TGFBR3: variants seen among roughly 807,000 people sequenced by gnomAD.
The protein encoded by TGFBR3 is transforming growth factor beta receptor 3, also known as transforming growth factor beta receptor type 3.
A neutral mutation model predicts 87.9 loss-of-function variants in TGFBR3; 46 were observed. That is an observed-to-expected ratio of 0.52 (90% CI 0.41 to 0.67). The LOEUF (loss-of-function observed/expected upper bound fraction) is 0.67, where lower values mean the gene tolerates loss of function less well. TGFBR3 is among the 30% of genes least tolerant of loss of function. The pLI, the probability that TGFBR3 is intolerant of heterozygous loss-of-function variation, is 0.00. For missense variants in TGFBR3, 866 were observed against 1,041.9 expected (o/e 0.83, Z 2.32); for synonymous variants, 381 against 391.6 (o/e 0.97, Z 0.32).
Position 91,689,022 on chromosome 1 carries a change from T to C in TGFBR3, c.2438-5165A>G, listed in dbSNP as rs143411181. Among the ~76,000 whole-genome samples, 359 of 152,260 alleles carry C rather than the reference T, an allele frequency of 2.4e-3. 4 individuals carry two copies. The highest frequency in any genetic ancestry group is 7.8e-3 in the African/African-American group (325 of 41,528). On this transcript the variant is annotated intron_variant, in intron 16 of 16. Coordinates refer to ENST00000212355, the MANE Select transcript of TGFBR3 (RefSeq NM_003243.5). ...TCTTTTCACTCAAATGCCCATATCA[T>C]TATTTTATAAAACCATTAAACACAG...
At chr1:91,784,372 GC>G (rs942215819) in intron 3 of TGFBR3, among the ~76,000 whole-genome samples, 2 of 152,106 alleles carry the variant, frequency 1.3e-5, no homozygotes, top group Admixed American at 6.5e-5. Context: ...CATCCTTGGT[GC>G]CATGCAATAA....
chr1:91,698,188 G>C, intron 14 of TGFBR3, 58 bp from the exon 15 acceptor site: 2 of 1,435,318 alleles, frequency 1.4e-6, no homozygotes, highest in Non-Finnish European at 2.0e-6. Flanking sequence ...TTAAGCAAAG[G>C]GTCATCAAAG....
chr1:91,797,272 G>C lies in TGFBR3; in HGVS notation c.246+15C>G. On this transcript the variant is annotated intron_variant, in intron 3 of 16. Coordinates refer to ENST00000212355, the MANE Select transcript of TGFBR3 (RefSeq NM_003243.5). Reference sequence around the variant, plus strand: ...ACTCAGTGGCAGTGGGCTGAGAGCTGACACCTGCACCTACCTCTCTCTGTA... The same window carrying C: ...ACTCAGTGGCAGTGGGCTGAGAGCTCACACCTGCACCTACCTCTCTCTGTA... 1.2e-6 allele frequency: 2 copies of C among 1,613,562 alleles called. No homozygotes were observed. Among genetic ancestry groups the C allele is most frequent in the East Asian group, 2.2e-5 (1 of 44,884 alleles).
chr1:91,809,289 G>A (rs1358249028), intron 2 of TGFBR3, among the ~76,000 whole-genome samples: 1 of 152,202 alleles, frequency 6.6e-6, no homozygotes, highest in African/African-American at 2.4e-5. Flanking sequence ...GAAAAAGATG[G>A]GAGAAAGAGA....
intron 4 of TGFBR3, among the ~76,000 whole-genome samples, chr1:91,755,887 T>C (rs891681532): frequency 6.6e-6 from 1 of 152,144 alleles, no homozygotes; most frequent in African/African-American, 2.4e-5. Flanking sequence ...CCAAACTAGA[T>C]ATTTCATAAA....
At chr1:91,703,161 C>T (rs955408407) in intron 14 of TGFBR3, among the ~76,000 whole-genome samples, 1 of 152,182 alleles carries the variant, frequency 6.6e-6, no homozygotes, top group African/African-American at 2.4e-5. Flanking sequence ...AGCATTTCTA[C>T]CATCTTTCCA....
At chr1:91,873,071 C>G (rs1321761756) in intron 1 of TGFBR3, among the ~76,000 whole-genome samples, 2 of 151,986 alleles carry the variant, frequency 1.3e-5, no homozygotes, top group Admixed American at 1.3e-4. Context: ...TCAAGCTATT[C>G]TCCCACCTCA....
chr1:91,875,970 G>A (rs1044218169), intron 1 of TGFBR3, among the ~76,000 whole-genome samples: 2 of 150,058 alleles, frequency 1.3e-5, no homozygotes, highest in African/African-American at 4.9e-5. Flanking sequence ...AGAGACATCC[G>A]GAACATAAGA....
At chr1:91,699,431 C>CT (rs60223260) in intron 14 of TGFBR3, among the ~76,000 whole-genome samples, 15,261 of 80,498 alleles carry the variant, frequency 0.19, 1,958 homozygotes, top group Admixed American at 0.24. Context: ...CTTTCTTTTG[C>CT]TTTTTTTTTT....
intron 16 of TGFBR3, 89 bp downstream of exon 16, chr1:91,695,583 T>G (rs1363624241): frequency 9.3e-7 from 1 of 1,076,278 alleles, no homozygotes; most frequent in East Asian, 2.4e-5. Flanking sequence ...TCTCTTTCAT[T>G]CGTTATTTCA....
chr1:91,843,685 A>G (rs1677374114), intron 2 of TGFBR3, among the ~76,000 whole-genome samples: 1 of 152,164 alleles, frequency 6.6e-6, no homozygotes, highest in African/African-American at 2.4e-5. Context: ...AATTTTACAA[A>G]TGAGGACACT....
chr1:91,730,949 A>T (rs555583173), intron 5 of TGFBR3, among the ~76,000 whole-genome samples: 1 of 152,256 alleles, frequency 6.6e-6, no homozygotes, highest in African/African-American at 2.4e-5. Flanking sequence ...GAATCTGAAG[A>T]CACTCCCACA....
chr1:91,702,452 C>G (rs1368237926), intron 14 of TGFBR3, among the ~76,000 whole-genome samples: 1 of 151,158 alleles, frequency 6.6e-6, no homozygotes, highest in Non-Finnish European at 1.5e-5. Context: ...CAAGACCATC[C>G]TGGCTAACAC....
intron 14 of TGFBR3, among the ~76,000 whole-genome samples, chr1:91,705,392 T>C (rs1002517039): frequency 1.1e-4 from 17 of 151,696 alleles, no homozygotes; most frequent in African/African-American, 3.9e-4. Context: ...CCTGGCTAAT[T>C]TTTTTGGTTT....
At chr1:91,753,727 T>C (rs1234458613) in intron 4 of TGFBR3, among the ~76,000 whole-genome samples, 1 of 152,224 alleles carries the variant, frequency 6.6e-6, no homozygotes, top group Non-Finnish European at 1.5e-5. Context: ...GCATCTGGCT[T>C]CTTTCACTTA....
intron 2 of TGFBR3, among the ~76,000 whole-genome samples, chr1:91,817,110 A>T (rs1470898977): frequency 6.6e-6 from 1 of 152,184 alleles, no homozygotes; most frequent in East Asian, 1.9e-4. Flanking sequence ...TAAGAACAAT[A>T]ACTTGAAACT....
chr1:91,894,520 G>A (rs1192396806), intron 2 of TGFBR3, among the ~76,000 whole-genome samples: 5 of 152,154 alleles, frequency 3.3e-5, no homozygotes, highest in African/African-American at 1.2e-4. Flanking sequence ...CACTTGTCAA[G>A]GTCACCTTGT....
chr1:91,751,363 C>T (rs888677082), intron 4 of TGFBR3, among the ~76,000 whole-genome samples: 9 of 152,164 alleles, frequency 5.9e-5, no homozygotes, highest in African/African-American at 2.2e-4. Context: ...TTACACATCA[C>T]TTGGCTTCAT....
intron 4 of TGFBR3, among the ~76,000 whole-genome samples, chr1:91,741,549 A>G (rs1673159008): frequency 6.6e-6 from 1 of 152,152 alleles, no homozygotes; most frequent in Admixed American, 6.5e-5. Flanking sequence ...CCCCTCCTTC[A>G]GAGGGGTGGG....
Sources: allele counts gnomAD v4.1 joint callset (sites outside exome capture counted in the v4.1 genomes callset), GRCh38; gene constraint gnomAD v4.1.1; transcripts MANE v1.5; gene names NCBI Gene and HGNC (gene_info 2026-07-23, HGNC 2026-07-21).